The following PTPRN2 variants were observed in gnomAD, a reference collection of about 807,000 sequenced individuals.
The protein encoded by PTPRN2 is protein tyrosine phosphatase receptor type N2, also known as receptor-type tyrosine-protein phosphatase N2.
A neutral mutation model predicts 118.8 loss-of-function variants in PTPRN2; 74 were observed. The observed-to-expected ratio is 0.62, with a 90% CI of 0.52 to 0.76. PTPRN2 has a LOEUF of 0.76. PTPRN2 is among the 30% of genes least tolerant of loss of function. The pLI, the probability that PTPRN2 is intolerant of heterozygous loss-of-function variation, is 0.00. For missense variants in PTPRN2, 1,481 were observed against 1,394.4 expected (o/e 1.06, Z -0.99); for synonymous variants, 641 against 608.0 (o/e 1.05, Z -0.80).
chr7:158,414,618 GC>G (rs1207187597), intron 2 of PTPRN2, among the ~76,000 whole-genome samples: 3 of 152,290 alleles, frequency 2.0e-5, no homozygotes, highest in Non-Finnish European at 4.4e-5. Flanking sequence ...GCTGGAGGCC[GC>G]CCCCGCTTCC....
At chr7:158,308,114 A>T (rs112962135) in intron 3 of PTPRN2, among the ~76,000 whole-genome samples, 3,376 of 152,342 alleles carry the variant, frequency 0.022, 121 homozygotes, top group African/African-American at 0.077. Flanking sequence ...GTGATAAGCA[A>T]CAGAAAATAG....
intron 11 of PTPRN2, among the ~76,000 whole-genome samples, chr7:158,035,978 A>G (rs1458958276): frequency 6.6e-6 from 1 of 152,222 alleles, no homozygotes; most frequent in Non-Finnish European, 1.5e-5. Context: ...TGGAGATAAA[A>G]TGATAGCCTG....
intron 3 of PTPRN2, among the ~76,000 whole-genome samples, chr7:158,221,132 A>G (rs936729563): frequency 1.3e-5 from 2 of 152,220 alleles, no homozygotes; most frequent in Non-Finnish European, 1.5e-5. Flanking sequence ...CTCCCTATTC[A>G]ATAAATGGTG....
intron 9 of PTPRN2, among the ~76,000 whole-genome samples, chr7:158,115,186 C>G (rs1816632224): frequency 6.6e-6 from 1 of 151,988 alleles, no homozygotes. Flanking sequence ...TCCAAAATAA[C>G]AACAACAACA....
At chr7:157,697,397 C>T in intron 12 of PTPRN2, among the ~76,000 whole-genome samples, 1 of 128,530 alleles carries the variant, frequency 7.8e-6, no homozygotes, top group Non-Finnish European at 1.6e-5. Context: ...GAGCCCTCAC[C>T]ATCTACCCAT....
intron 3 of PTPRN2, among the ~76,000 whole-genome samples, chr7:158,263,471 T>C (rs1306280229): frequency 1.3e-5 from 2 of 152,150 alleles, no homozygotes; most frequent in Non-Finnish European, 2.9e-5. Flanking sequence ...CCCGACCGCA[T>C]CCCACAGGAG....
At chr7:158,581,388 T>C (rs1312199915) in intron 1 of PTPRN2, among the ~76,000 whole-genome samples, 4 of 151,976 alleles carry the variant, frequency 2.6e-5, no homozygotes, top group African/African-American at 9.7e-5. Flanking sequence ...GGTACAGGGA[T>C]GGGAGAGGCT....
At chr7:157,975,060 C>T (rs922231415) in intron 11 of PTPRN2, among the ~76,000 whole-genome samples, 5 of 152,188 alleles carry the variant, frequency 3.3e-5, no homozygotes, top group Admixed American at 1.3e-4. Flanking sequence ...AGGCCTGGCC[C>T]GGACCCTGCC....
Position 158,557,357 on chromosome 7 carries a change from A to AGGTCAGGCGGCTCCCG in PTPRN2, c.112+30200_112+30201insCGGGAGCCGCCTGACC, listed in dbSNP as rs1563432182. Among the ~76,000 whole-genome samples, 158 of 134,482 alleles carry AGGTCAGGCGGCTCCCG rather than the reference A, an allele frequency of 1.2e-3. 1 individual carries two copies. In the East Asian group the frequency reaches 0.027, roughly 23 times the overall value. 88.2% of individuals were successfully genotyped at this position (134,482 alleles called of 152,430 possible). ...CTCCCGCGCAGGTCAGACGGCTCCCACGCAGGTCAGGCGGCTCCCACGCAG... is the reference window on the plus strand; with the variant it reads ...CTCCCGCGCAGGTCAGACGGCTCCCAGGTCAGGCGGCTCCCGCGCAGGTCAGGCGGCTCCCACGCAG... On this transcript the variant is annotated intron_variant, in intron 1 of 22. Transcript: ENST00000389418.
chr7:158,383,842 T>G (rs1005449536), intron 2 of PTPRN2, among the ~76,000 whole-genome samples: 1 of 152,262 alleles, frequency 6.6e-6, no homozygotes. Flanking sequence ...TTTGTGATGT[T>G]AATGACTTTT....
rs556511134 is a variant in PTPRN2, at chr7:157,678,116, A to C, written c.2001+4609T>G. ...ATTATTTCATAACAAATGATCTTTA[A>C]TGTTGTATTTTTATACTTGTAAACT... is the stretch of plus-strand genomic sequence containing the variant. On this transcript the variant is annotated intron_variant, in intron 13 of 22. Coordinates refer to ENST00000389418, the MANE Select transcript of PTPRN2 (RefSeq NM_002847.5). Among the ~76,000 whole-genome samples the C allele has an allele frequency of 3.6e-4, 55 of 152,296 alleles. No individual in the cohort carries two copies. In the South Asian group the frequency reaches 9.5e-3, roughly 26 times the overall value.
intron 12 of PTPRN2, among the ~76,000 whole-genome samples, chr7:157,792,844 G>A (rs977315108): frequency 6.6e-6 from 1 of 152,108 alleles, no homozygotes; most frequent in African/African-American, 2.4e-5. Context: ...AGCGTGGCTG[G>A]TCATTTAATG....
chr7:157,768,961 AC>A (rs1802640712), intron 12 of PTPRN2, among the ~76,000 whole-genome samples: 1 of 152,328 alleles, frequency 6.6e-6, no homozygotes, highest in South Asian at 2.1e-4. Flanking sequence ...TCATTTGTCA[AC>A]ACATAATTAC....
At position 157,680,728 on chromosome 7, in the gene PTPRN2, C is replaced by T. The variant is rs372515688; in HGVS notation, c.2001+1997G>A. On this transcript the variant is annotated intron_variant, in intron 13 of 22. Transcript: ENST00000389418. ...CCTAAAGGGCATTTTGTGGTGATTT[C>T]AAAGCTAAACCAACCAGAAAGTCTT... is the stretch of plus-strand genomic sequence containing the variant. Among the ~76,000 whole-genome samples the T allele has an allele frequency of 7.2e-5, 11 of 152,344 alleles. No individual in the cohort carries two copies. In the East Asian group the frequency reaches 1.7e-3, roughly 24 times the overall value.
chr7:158,163,270 T>A (rs1822532020), intron 6 of PTPRN2, among the ~76,000 whole-genome samples: 1 of 151,906 alleles, frequency 6.6e-6, no homozygotes, highest in Admixed American at 6.6e-5. Context: ...GTGACGCCTG[T>A]ACGGGGTTCT....
At chr7:158,076,195 T>C (rs1421781968) in intron 11 of PTPRN2, among the ~76,000 whole-genome samples, 1 of 152,232 alleles carries the variant, frequency 6.6e-6, no homozygotes, top group African/African-American at 2.4e-5. Context: ...CCTTCCACAC[T>C]CATGGCTCAG....
intron 4 of PTPRN2, among the ~76,000 whole-genome samples, chr7:158,201,748 G>T (rs1458075844): frequency 1.3e-5 from 2 of 152,208 alleles, no homozygotes; most frequent in Admixed American, 6.5e-5. Context: ...CAGGTCTTCA[G>T]ATAAACTCAA....
At chr7:158,156,368 T>C (rs906514354) in intron 6 of PTPRN2, among the ~76,000 whole-genome samples, 1 of 152,156 alleles carries the variant, frequency 6.6e-6, no homozygotes, top group Admixed American at 6.5e-5. Context: ...TAGTGTGAGT[T>C]TGCACACTCA....
intron 12 of PTPRN2, among the ~76,000 whole-genome samples, chr7:157,735,188 T>C (rs1232596862): frequency 2.6e-5 from 4 of 152,264 alleles, no homozygotes; most frequent in Non-Finnish European, 4.4e-5. Flanking sequence ...TCCGTGTTCA[T>C]GTGCACAGCC....
Sources: allele counts gnomAD v4.1 joint callset (sites outside exome capture counted in the v4.1 genomes callset), GRCh38; gene constraint gnomAD v4.1.1; transcripts MANE v1.5; gene names NCBI Gene and HGNC (gene_info 2026-07-23, HGNC 2026-07-21).